RAD51B: variants seen among roughly 807,000 people sequenced by gnomAD.
RAD51B encodes the protein DNA repair protein RAD51 homolog 2.
Under a neutral mutation model 42.2 loss-of-function variants are expected in RAD51B, and 38 were observed. The ratio of observed to expected loss-of-function variants is 0.90; its 90% CI spans 0.70 to 1.18. The LOEUF is 1.18. Among genes scored for constraint, RAD51B ranks in the 50% most tolerant of loss-of-function variants. The probability of loss-of-function intolerance (pLI) is 0.00; values close to 1 mark genes in which losing one functional copy is unlikely to be tolerated. For synonymous variants in RAD51B, 154 were observed against 145.2 expected, an observed-to-expected ratio of 1.06 and a Z score of -0.43; for missense variants, 373 against 400.7, an observed-to-expected ratio of 0.93 and a Z score of 0.59.
chr14:68,362,706 G>A (rs563033655), intron 8 of RAD51B, among the ~76,000 whole-genome samples: 7 of 152,160 alleles, frequency 4.6e-5, no homozygotes, highest in South Asian at 4.1e-4. Context: ...AAAATTAGCC[G>A]GGCATGGTGG....
intron 4 of RAD51B, chr14:67,857,766 G>C (rs1331292754): frequency 6.5e-6 from 1 of 152,996 alleles, no homozygotes; most frequent in East Asian, 1.9e-4. Flanking sequence ...TTATGACAGG[G>C]GTATCCCATT....
intron 11 of RAD51B, among the ~76,000 whole-genome samples, chr14:68,669,350 C>A (rs1351520657): frequency 6.6e-6 from 1 of 152,220 alleles, no homozygotes; most frequent in Non-Finnish European, 1.5e-5. Context: ...CCCTGCCTCC[C>A]CTGCTTCCCT....
chr14:68,132,498 T>C (rs1164760892), intron 7 of RAD51B, among the ~76,000 whole-genome samples: 1 of 152,212 alleles, frequency 6.6e-6, no homozygotes, highest in Non-Finnish European at 1.5e-5. Context: ...GTTATGGACT[T>C]CTTATTCATA....
chr14:67,843,822 A>ATT (rs1215500790), intron 4 of RAD51B, among the ~76,000 whole-genome samples: 1 of 134,170 alleles, frequency 7.5e-6, no homozygotes, highest in African/African-American at 2.8e-5. Flanking sequence ...CTTTTTAATT[A>ATT]TTTTTTTTTT....
At chr14:68,468,379 A>C in intron 10 of RAD51B, 129 bp downstream of exon 10, 2 of 990,256 alleles carry the variant, frequency 2.0e-6, no homozygotes, top group African/African-American at 1.6e-5. Flanking sequence ...TGCATTGGCC[A>C]GTGATATTTA....
chr14:68,329,346 A>G (rs1226153044), intron 8 of RAD51B, among the ~76,000 whole-genome samples: 1 of 152,166 alleles, frequency 6.6e-6, no homozygotes, highest in Non-Finnish European at 1.5e-5. Flanking sequence ...GTCACTTATA[A>G]CCCAAACTCC....
At chr14:67,951,985 C>T (rs1304525566) in intron 7 of RAD51B, among the ~76,000 whole-genome samples, 1 of 139,210 alleles carries the variant, frequency 7.2e-6, no homozygotes, top group Non-Finnish European at 1.5e-5. Flanking sequence ...TTAGAACCAT[C>T]AAACTAATAC....
At chr14:68,333,591 A>G (rs1307291435) in intron 8 of RAD51B, among the ~76,000 whole-genome samples, 1 of 152,222 alleles carries the variant, frequency 6.6e-6, no homozygotes, top group Non-Finnish European at 1.5e-5. Flanking sequence ...TGTACAACAA[A>G]GGCTATATTT....
chr14:68,537,439 C>A (rs1320446691), intron 10 of RAD51B, among the ~76,000 whole-genome samples: 3 of 150,650 alleles, frequency 2.0e-5, no homozygotes, highest in East Asian at 3.9e-4. Context: ...GTGGAGCTTG[C>A]AGTGAGCCGA....
At chr14:68,018,979 G>C (rs1361870815) in intron 7 of RAD51B, among the ~76,000 whole-genome samples, 1 of 152,146 alleles carries the variant, frequency 6.6e-6, no homozygotes, top group African/African-American at 2.4e-5. Flanking sequence ...TTGCTGAGAG[G>C]ATTAGAGATA....
intron 7 of RAD51B, among the ~76,000 whole-genome samples, chr14:68,084,992 G>A (rs540450958): frequency 2.6e-5 from 4 of 152,198 alleles, no homozygotes; most frequent in Non-Finnish European, 4.4e-5. Flanking sequence ...TATTTAGAAG[G>A]TAAAACATTA....
intron 10 of RAD51B, chr14:68,545,613 A>G (rs928165379): frequency 4.4e-6 from 2 of 455,996 alleles, no homozygotes; most frequent in African/African-American, 4.0e-5. Context: ...AAGAAGTTCC[A>G]CCAGAGTAGA....
At chr14:68,250,900 C>T (rs954097674) in intron 7 of RAD51B, among the ~76,000 whole-genome samples, 2 of 152,194 alleles carry the variant, frequency 1.3e-5, no homozygotes, top group African/African-American at 4.8e-5. Flanking sequence ...TCTGGCACCT[C>T]CACCTTCATG....
chr14:68,306,581 C>G (rs60593979), intron 8 of RAD51B: 288,316 of 505,344 alleles, frequency 0.57, 87,550 homozygotes, highest in South Asian at 0.64. Flanking sequence ...ATCTTTTGAC[C>G]AATTTGCATT....
downstream of RAD51B, among the ~76,000 whole-genome samples, chr14:68,479,684 TTTTTGCCAGAG>T (rs1183533252): frequency 1.2e-4 from 16 of 136,316 alleles, no homozygotes; most frequent in Admixed American, 1.1e-3. Context: ...TTTTTTTTTT[TTTTTGCCAGAG>T]TCTCACTCTG....
At position 67,956,325 on chromosome 14, in the gene RAD51B, A is replaced by G. The variant is rs200585088; in HGVS notation, c.756+69121A>G. 2.6e-4 allele frequency among the ~76,000 whole-genome samples: 40 copies of G among 152,160 alleles called. No homozygotes were observed. In the East Asian group the frequency reaches 7.5e-3, roughly 29 times the overall value. ...GGCCAGCCTGGCCAACATCCCTACT[A>G]AAAATACAAAAATTAGCCAAGTATG... On this transcript the variant is annotated intron_variant, in intron 7 of 10. Transcript: ENST00000471583.
At chr14:67,975,848 T>C (rs528975904) in intron 7 of RAD51B, among the ~76,000 whole-genome samples, 46 of 152,342 alleles carry the variant, frequency 3.0e-4, no homozygotes, top group Non-Finnish European at 5.6e-4. Context: ...ATTTAAAATA[T>C]GTAAGGAGGC....
intron 7 of RAD51B, among the ~76,000 whole-genome samples, chr14:67,962,555 C>G (rs985528553): frequency 2.0e-5 from 3 of 152,172 alleles, no homozygotes; most frequent in African/African-American, 7.2e-5. Context: ...TATGTCAACA[C>G]AGTTCTGATA....
At chr14:68,623,220 C>G (rs1263104839) in intron 10 of RAD51B, among the ~76,000 whole-genome samples, 1 of 152,176 alleles carries the variant, frequency 6.6e-6, no homozygotes, top group Non-Finnish European at 1.5e-5. Context: ...TCCCCCAGGA[C>G]TGCCTTAATT....
Sources: gnomAD v4.1 joint callset for allele counts (sites outside exome capture counted in the v4.1 genomes callset) on GRCh38, gnomAD v4.1.1 for gene constraint, MANE v1.5 for transcripts, NCBI Gene and HGNC (gene_info 2026-07-23, HGNC 2026-07-21) for gene names.